Variants in NEK11 observed in about 807,000 individuals in gnomAD.
NEK11 encodes serine/threonine-protein kinase Nek11.
A neutral mutation model predicts 80.7 loss-of-function variants in NEK11; 72 were observed. The observed-to-expected ratio is 0.89, with a 90% CI of 0.74 to 1.08. NEK11 has a LOEUF of 1.08. Ranked by LOEUF, NEK11 falls within the 50% of genes least tolerant of loss-of-function variation. The pLI, the probability that NEK11 is intolerant of heterozygous loss-of-function variation, is 0.00. For missense variants in NEK11, 764 were observed against 763.6 expected (o/e 1.00, Z -0.01); for synonymous variants, 251 against 260.7 (o/e 0.96, Z 0.36).
chr3:131,284,739 C>G (rs1446377434), intron 17 of NEK11, among the ~76,000 whole-genome samples: 2 of 152,198 alleles, frequency 1.3e-5, no homozygotes, highest in Non-Finnish European at 2.9e-5. Context: ...TCATCTTTCT[C>G]CCATACTGGA....
At chr3:131,104,208 T>A (rs187901523) in intron 4 of NEK11, among the ~76,000 whole-genome samples, 1 of 152,196 alleles carries the variant, frequency 6.6e-6, no homozygotes, top group African/African-American at 2.4e-5. Context: ...GGGTGGGTAC[T>A]ATGGTGGTGG....
At chr3:131,057,675 A>G (rs909824068) in intron 3 of NEK11, among the ~76,000 whole-genome samples, 6 of 152,156 alleles carry the variant, frequency 3.9e-5, no homozygotes, top group African/African-American at 1.2e-4. Flanking sequence ...TTTTGGCTGC[A>G]TAAATGTCTT....
rs539467342 is a variant in NEK11, at chr3:131,212,602, A to G, written c.1400-15926A>G. Among the ~76,000 whole-genome samples the G allele has an allele frequency of 2.6e-5, 4 of 152,326 alleles. No individual in the cohort carries two copies. The East Asian group carries it at 5.8e-4, about 22-fold the overall frequency. ...AGACTGGAACTGTTTCTATTAGGCCATCTTTGTTAAGAAACTGTTAATTAC... is the reference window on the plus strand; with the variant it reads ...AGACTGGAACTGTTTCTATTAGGCCGTCTTTGTTAAGAAACTGTTAATTAC... On this transcript the variant is annotated intron_variant, in intron 14 of 17. Coordinates refer to ENST00000383366, the MANE Select transcript of NEK11 (RefSeq NM_024800.5).
intron 16 of NEK11, among the ~76,000 whole-genome samples, chr3:131,270,720 G>C (rs1377990049): frequency 6.6e-6 from 1 of 152,134 alleles, no homozygotes; most frequent in African/African-American, 2.4e-5. Flanking sequence ...CTACCCTTGG[G>C]CTTAAGGCTT....
In NEK11 at chr3:131,106,824, T is replaced by C. The variant is rs192250460; in HGVS notation, c.337-2979T>C. On this transcript the variant is annotated intron_variant, in intron 4 of 17. Transcript: ENST00000383366. ...ACATACATACTGACATATATAAATA[T>C]AAACATAAAAACAGATCTTGTAGTA... 2.6e-5 allele frequency among the ~76,000 whole-genome samples: 4 copies of C among 152,266 alleles called. No individual in the cohort carries two copies. The East Asian group carries it at 7.7e-4, about 29-fold the overall frequency.
chr3:131,060,033 A>C (rs1449199792), intron 3 of NEK11, among the ~76,000 whole-genome samples: 1 of 152,206 alleles, frequency 6.6e-6, no homozygotes, highest in East Asian at 1.9e-4. Flanking sequence ...GCATTAATCC[A>C]AGTGTGAGTC....
At chr3:131,049,274 C>T (rs2067950697) in intron 3 of NEK11, among the ~76,000 whole-genome samples, 1 of 152,112 alleles carries the variant, frequency 6.6e-6, no homozygotes, top group Admixed American at 6.5e-5. Flanking sequence ...AATCTAGAGA[C>T]GAATTTAGAG....
intron 4 of NEK11, among the ~76,000 whole-genome samples, chr3:131,090,885 C>T (rs1015274961): frequency 6.6e-6 from 1 of 152,178 alleles, no homozygotes; most frequent in Non-Finnish European, 1.5e-5. Flanking sequence ...CCACTCCACG[C>T]TCGCAAGCAG....
intron 17 of NEK11, among the ~76,000 whole-genome samples, chr3:131,339,281 A>G (rs2097249812): frequency 1.3e-5 from 2 of 152,302 alleles, no homozygotes; most frequent in East Asian, 1.9e-4. Flanking sequence ...TCGATCACCT[A>G]TAAGCAAAGA....
chr3:131,198,665 A>G (rs1217668973), intron 14 of NEK11, among the ~76,000 whole-genome samples: 1 of 152,190 alleles, frequency 6.6e-6, no homozygotes, highest in African/African-American at 2.4e-5. Context: ...ATGGGTTGCA[A>G]GCTCATCCCT....
chr3:131,274,539 C>T (rs1394793764), intron 17 of NEK11, among the ~76,000 whole-genome samples: 1 of 150,418 alleles, frequency 6.6e-6, no homozygotes, highest in African/African-American at 2.4e-5. Context: ...GCTACACTGA[C>T]TTCCACAATG....
intron 3 of NEK11, among the ~76,000 whole-genome samples, chr3:131,062,993 A>C (rs1296332807): frequency 2.0e-5 from 3 of 152,242 alleles, no homozygotes; most frequent in African/African-American, 7.2e-5. Flanking sequence ...GAATCAGAGA[A>C]TCTTAGGTAT....
At chr3:131,225,235 C>A (rs933988240) in intron 14 of NEK11, among the ~76,000 whole-genome samples, 2 of 152,194 alleles carry the variant, frequency 1.3e-5, no homozygotes, top group East Asian at 3.8e-4. Flanking sequence ...CACTGTATTA[C>A]AATTGTCTAC....
rs1466916121 is a variant in NEK11, at chr3:131,085,617, T to C, written c.336+5029T>C. On this transcript the variant is annotated intron_variant, in intron 4 of 17. Coordinates refer to ENST00000383366, the MANE Select transcript of NEK11 (RefSeq NM_024800.5). Reference sequence around the variant, plus strand: ...ACGGGAAAGATTAGGCCAAGAAGAATAGAGCAAGGACATTTCAGCTAAATG... The same window carrying C: ...ACGGGAAAGATTAGGCCAAGAAGAACAGAGCAAGGACATTTCAGCTAAATG... Among the ~76,000 whole-genome samples, 4 of 152,066 alleles carry C rather than the reference T, an allele frequency of 2.6e-5. No homozygotes were observed. The East Asian group carries it at 5.8e-4, about 22-fold the overall frequency.
intron 14 of NEK11, among the ~76,000 whole-genome samples, chr3:131,190,283 C>T (rs1201848355): frequency 6.6e-6 from 1 of 152,186 alleles, no homozygotes; most frequent in East Asian, 1.9e-4. Context: ...ACACAAATCC[C>T]TGCCTCCATG....
At chr3:131,179,295 T>G (rs966580412) in intron 14 of NEK11, among the ~76,000 whole-genome samples, 5 of 152,216 alleles carry the variant, frequency 3.3e-5, no homozygotes, top group African/African-American at 1.2e-4. Context: ...CTTTATAAAT[T>G]ACCCAGTCCG....
intron 5 of NEK11, among the ~76,000 whole-genome samples, chr3:131,124,350 C>T (rs546720078): frequency 1.4e-4 from 22 of 152,336 alleles, no homozygotes; most frequent in Middle Eastern, 3.4e-3. Flanking sequence ...GGCAGAGGCA[C>T]ACTTGAATAT....
chr3:131,280,185 T>A (rs1581328553), intron 17 of NEK11, among the ~76,000 whole-genome samples: 1 of 152,344 alleles, frequency 6.6e-6, no homozygotes, highest in South Asian at 2.1e-4. Context: ...AGAAACAGTT[T>A]AATGACAGGG....
intron 17 of NEK11, among the ~76,000 whole-genome samples, chr3:131,333,214 A>G (rs1582190663): frequency 6.6e-6 from 1 of 152,318 alleles, no homozygotes; most frequent in Non-Finnish European, 1.5e-5. Context: ...GGGCAGCCAG[A>G]GAGAAAGGTC....
Sources: allele counts gnomAD v4.1 joint callset (sites outside exome capture counted in the v4.1 genomes callset), GRCh38; gene constraint gnomAD v4.1.1; transcripts MANE v1.5; gene names NCBI Gene and HGNC (gene_info 2026-07-23, HGNC 2026-07-21).